RTKN2: variants seen among roughly 807,000 people sequenced by gnomAD.
RTKN2 encodes rhotekin 2, also known as rhotekin-2.
RTKN2 carries 69 observed loss-of-function variants against 71.5 expected under a neutral mutation model. The ratio of observed to expected loss-of-function variants is 0.96; its 90% CI spans 0.79 to 1.18. RTKN2 has a LOEUF of 1.18. RTKN2 is among the 50% of genes most tolerant of loss of function. The pLI is 0.00. For synonymous variants in RTKN2, 236 were observed against 236.5 expected (o/e 1.00, Z 0.02); for missense variants, 724 against 719.7 (o/e 1.01, Z -0.07).
Position 62,202,990 on chromosome 10 carries a change from G to A in RTKN2, c.1186+1867C>T, listed in dbSNP as rs184022014. ...AGCCTGACCAACATGGAGAAATCCC[G>A]TCTCTACTAAAAATACAATATTAGT... is the stretch of plus-strand genomic sequence containing the variant. On this transcript the variant is annotated intron_variant, in intron 10 of 11. Coordinates refer to ENST00000373789, the MANE Select transcript of RTKN2 (RefSeq NM_145307.4). 2.7e-3 allele frequency among the ~76,000 whole-genome samples: 408 copies of A among 152,058 alleles called. 7 individuals are homozygous for A. The South Asian group carries it at 0.03, about 11-fold the overall frequency.
At chr10:62,185,045 CA>C (rs1283445272) in intron 8 of RTKN2, among the ~76,000 whole-genome samples, 2 of 152,080 alleles carry the variant, frequency 1.3e-5, no homozygotes, top group African/African-American at 4.8e-5. Flanking sequence ...GGAAATCTTG[CA>C]AAAAATTTTC....
intron 6 of RTKN2, among the ~76,000 whole-genome samples, chr10:62,232,677 T>C (rs986018988): frequency 5.9e-5 from 9 of 152,050 alleles, no homozygotes; most frequent in African/African-American, 2.2e-4. Flanking sequence ...AAAATGTGGC[T>C]ACATTTTATA....
downstream of RTKN2, among the ~76,000 whole-genome samples, chr10:62,192,868 C>A (rs1375373093): frequency 6.6e-6 from 1 of 152,068 alleles, no homozygotes; most frequent in African/African-American, 2.4e-5. Context: ...TTATTCTGCT[C>A]CATTGGAAGC....
At chr10:62,199,939 A>G in intron 10 of RTKN2, 78 bp from the exon 11 acceptor site, 1 of 918,086 alleles carries the variant, frequency 1.1e-6, no homozygotes, top group Non-Finnish European at 1.7e-6. Context: ...ATAGATAGCA[A>G]TACATTTTTG....
Position 62,195,397 on chromosome 10 carries a change from A to C in RTKN2, c.*2511T>G. 1.0e-6 allele frequency: 1 copy of C among 983,422 alleles called. No homozygotes were observed. The highest frequency in any genetic ancestry group is 1.2e-6 in the Non-Finnish European group (1 of 828,186). The allele number at this position is 983,422 out of a possible 1,614,324, so 60.9% of individuals were successfully genotyped here. On this transcript the variant is annotated 3_prime_UTR_variant, in exon 12 of 12. Coordinates refer to ENST00000373789, the MANE Select transcript of RTKN2 (RefSeq NM_145307.4). ...AACTTCTGGTTTAAGAAATGAGAAA[A>C]CAAACAATTCTTTTGAAACACTCTT...
chr10:62,244,744 A>G (rs1475014842), intron 3 of RTKN2, among the ~76,000 whole-genome samples: 3 of 152,202 alleles, frequency 2.0e-5, no homozygotes, highest in African/African-American at 7.2e-5. Context: ...TGTATTATAA[A>G]GATAAAAACA....
intron 8 of RTKN2, among the ~76,000 whole-genome samples, chr10:62,186,285 A>G (rs1029160492): frequency 2.6e-5 from 4 of 152,202 alleles, no homozygotes; most frequent in Non-Finnish European, 5.9e-5. Flanking sequence ...TAATGCATTC[A>G]GAGAGTGAGA....
Position 62,206,961 on chromosome 10 carries a change from T to C in RTKN2, c.1021-1939A>G, listed in dbSNP as rs115207055. Among the ~76,000 whole-genome samples, 212 of 152,052 alleles carry C rather than the reference T, an allele frequency of 1.4e-3. 1 individual carries two copies. Among genetic ancestry groups the C allele is most frequent in the African/African-American group, 5.0e-3 (207 of 41,532 alleles). ...AGGAAGAATCTTTGATATGCTACTC[T>C]TATCAGACTAATTGAAGGTTAAATC... On this transcript the variant is annotated intron_variant, in intron 9 of 11. Transcript: ENST00000373789.
intron 10 of RTKN2, among the ~76,000 whole-genome samples, chr10:62,201,665 A>G (rs1841445231): frequency 6.6e-6 from 1 of 152,230 alleles, no homozygotes; most frequent in Non-Finnish European, 1.5e-5. Flanking sequence ...TATAAAGTAC[A>G]GTATTTCCTC....
At chr10:62,254,092 A>C (rs1391797096) in intron 2 of RTKN2, among the ~76,000 whole-genome samples, 1 of 152,196 alleles carries the variant, frequency 6.6e-6, no homozygotes. Context: ...AAACAGAAAC[A>C]AATAAGTCTG....
chr10:62,220,700 T>C (rs1351926173), intron 7 of RTKN2, among the ~76,000 whole-genome samples: 2 of 151,966 alleles, frequency 1.3e-5, no homozygotes, highest in African/African-American at 4.8e-5. Context: ...ATATCAACAA[T>C]GTAAAGAAGC....
rs377688582 is a variant in RTKN2 at position 62,198,233 on chromosome 10, C to T, written c.1505G>A (p.Arg502Lys). Residue 502 changes from arginine (R) to lysine (K), a missense_variant, in exon 12 of 12, where the codon AGA becomes AAA. Transcript: ENST00000373789. ...EPLHDEKGKK[R>K]QAPLPPSDKL... Reference sequence around the variant, plus strand: ...ATCAGAAGGAGGAAGGGGAGCTTGTCTCTTTTTCCCTTTTTCATCATGTAA... The same window carrying T: ...ATCAGAAGGAGGAAGGGGAGCTTGTTTCTTTTTCCCTTTTTCATCATGTAA... The T allele has an allele frequency of 1.1e-5, 18 of 1,613,832 alleles. No homozygotes were observed. Among genetic ancestry groups the T allele is most frequent in the Non-Finnish European group, 2.5e-6 (3 of 1,179,948 alleles).
At chr10:62,254,696 T>G (rs1410780083) in intron 2 of RTKN2, among the ~76,000 whole-genome samples, 1 of 152,094 alleles carries the variant, frequency 6.6e-6, no homozygotes, top group Non-Finnish European at 1.5e-5. Context: ...TCCCAGTGTT[T>G]TGGGAGGCTG....
intron 8 of RTKN2, among the ~76,000 whole-genome samples, chr10:62,187,433 T>C (rs1211851554): frequency 6.6e-6 from 1 of 152,162 alleles, no homozygotes; most frequent in African/African-American, 2.4e-5. Flanking sequence ...TGTTCACCCC[T>C]CTGTGTCACC....
At chr10:62,252,274 A>G (rs1345526054) in intron 2 of RTKN2, among the ~76,000 whole-genome samples, 1 of 152,138 alleles carries the variant, frequency 6.6e-6, no homozygotes, top group Non-Finnish European at 1.5e-5. Flanking sequence ...AGATTTCTTA[A>G]TAACAATACA....
At chr10:62,189,789 A>G (rs1285785446), downstream of RTKN2, among the ~76,000 whole-genome samples, 6 of 151,824 alleles carry the variant, frequency 4.0e-5, no homozygotes, top group East Asian at 1.2e-3. Flanking sequence ...AGATCACGCC[A>G]CTGTAGTCCA....
chr10:62,188,155 AGGAGC>A (rs1241700233), downstream of RTKN2, among the ~76,000 whole-genome samples: 2 of 152,336 alleles, frequency 1.3e-5, no homozygotes, highest in East Asian at 3.9e-4. Context: ...TCAAGAATTT[AGGAGC>A]GGCTTAGCCA....
At chr10:62,192,349 G>A (rs1841236371), downstream of RTKN2, among the ~76,000 whole-genome samples, 1 of 152,114 alleles carries the variant, frequency 6.6e-6, no homozygotes, top group African/African-American at 2.4e-5. Context: ...ACTATGACAG[G>A]GTTAAATGTC....
chr10:62,209,067 C>T (rs1350415655), intron 9 of RTKN2, among the ~76,000 whole-genome samples: 1 of 152,038 alleles, frequency 6.6e-6, no homozygotes, highest in Non-Finnish European at 1.5e-5. Context: ...GTCGGGAGTT[C>T]GAGACCAGCC....
Sources: gnomAD v4.1 joint callset for allele counts (sites outside exome capture counted in the v4.1 genomes callset) on GRCh38, gnomAD v4.1.1 for gene constraint, MANE v1.5 for transcripts, NCBI Gene and HGNC (gene_info 2026-07-23, HGNC 2026-07-21) for gene names.